LHFPL4: variants seen among roughly 807,000 people sequenced by gnomAD.
LHFPL4 encodes the protein LHFPL tetraspan subfamily member 4.
Under a neutral mutation model 20.0 loss-of-function variants are expected in LHFPL4, and 6 were observed. The ratio of observed to expected loss-of-function variants is 0.30; its 90% CI spans 0.16 to 0.59. The LOEUF (loss-of-function observed/expected upper bound fraction) is 0.59. Among genes scored for constraint, LHFPL4 ranks in the 20% least tolerant of loss-of-function variants. LHFPL4 has a pLI of 0.88. For missense variants in LHFPL4, 215 were observed against 331.2 expected (o/e 0.65, Z 2.72); for synonymous variants, 129 against 143.8 (o/e 0.90, Z 0.74).
At chr3:9,549,448 C>G (rs970781898) in intron 2 of LHFPL4, among the ~76,000 whole-genome samples, 4 of 152,218 alleles carry the variant, frequency 2.6e-5, no homozygotes, top group African/African-American at 9.6e-5. Context: ...GTAATCCCAG[C>G]ATTTTGGGAG....
At chr3:9,509,405 C>T (rs2046242785) in intron 2 of LHFPL4, among the ~76,000 whole-genome samples, 1 of 152,144 alleles carries the variant, frequency 6.6e-6, no homozygotes, top group Non-Finnish European at 1.5e-5. Flanking sequence ...CTATCCCCTC[C>T]CCTTATCCTC....
rs781322369 is a variant in LHFPL4 at position 9,506,903 on chromosome 3, T to C, written c.407-700A>G. 2.0e-5 allele frequency among the ~76,000 whole-genome samples: 3 copies of C among 152,220 alleles called. No individual in the cohort carries two copies. Among genetic ancestry groups the C allele is most frequent in the Non-Finnish European group, 4.4e-5 (3 of 68,040 alleles). On this transcript the variant is annotated intron_variant, in intron 2 of 3. Transcript: ENST00000287585. The surrounding 1 kb of genome is among the most constrained non-coding windows in gnomAD (Gnocchi z 4.5). Reference sequence around the variant, plus strand: ...CCCTCATTGTTATTTTTTAAATTCTTGTCCTTCACCCATCAAATGTTTATT... The same window carrying C: ...CCCTCATTGTTATTTTTTAAATTCTCGTCCTTCACCCATCAAATGTTTATT...
intron 3 of LHFPL4, among the ~76,000 whole-genome samples, chr3:9,502,615 A>C (rs1422709151): frequency 6.6e-6 from 1 of 152,004 alleles, no homozygotes; most frequent in Non-Finnish European, 1.5e-5. Context: ...AGGCAGGAGA[A>C]TCGCTTGAAC....
intron 2 of LHFPL4, among the ~76,000 whole-genome samples, chr3:9,507,995 G>A (rs770348294): frequency 6.6e-6 from 1 of 152,186 alleles, no homozygotes; most frequent in East Asian, 1.9e-4. Context: ...GTTTGGAACC[G>A]TGGGGACCTT....
At position 9,499,075 on chromosome 3, in the gene LHFPL4, G is replaced by C. The variant is rs2046151818; in HGVS notation, c.*3136C>G. 6.5e-6 allele frequency: 1 copy of C among 153,632 alleles called. No homozygotes were observed. The highest frequency in any genetic ancestry group is 1.4e-5 in the Non-Finnish European group (1 of 69,316). 9.5% of individuals were successfully genotyped at this position (153,632 alleles called of 1,614,324 possible). A position where few individuals can be genotyped will look rare whatever the true frequency, so the allele number is the denominator to read the frequency against. On this transcript the variant is annotated 3_prime_UTR_variant, in exon 4 of 4. Transcript: ENST00000287585. The stretch of plus-strand genomic sequence containing the variant: ...TGGCAGACCCCTGATCACAGTTAGG[G>C]GGGTCACAGTTAGGGGGGGACTTCT...
At position 9,506,270 on chromosome 3, in the gene LHFPL4, G is replaced by C; in HGVS notation, c.407-67C>G. On this transcript the variant is annotated intron_variant, in intron 2 of 3. Coordinates refer to ENST00000287585, the MANE Select transcript of LHFPL4 (RefSeq NM_198560.3). This position sits in a 1 kb window ranked among gnomAD's most constrained non-coding sequence, Gnocchi z 4.5. ...GAAGAGAAAAGACCATTACTCGCTA[G>C]TGTCCGCAGTCTGGGCCCCACCCTA... 1 of 1,291,086 alleles carries C rather than the reference G, an allele frequency of 7.7e-7. No homozygotes were observed. The highest frequency in any genetic ancestry group is 2.3e-5 in the East Asian group (1 of 43,188). The allele number at this position is 1,291,086 out of a possible 1,614,324, so 80.0% of individuals were successfully genotyped here.
rs115841835 is a variant in LHFPL4 at position 9,503,352 on chromosome 3, C to T, written c.644-1041G>A. Among the ~76,000 whole-genome samples the T allele has an allele frequency of 2.9e-3, 449 of 152,314 alleles. 2 individuals carry two copies. The highest frequency in any genetic ancestry group is 0.01 in the African/African-American group (432 of 41,572). ...TCCCCACACCCCTTCTTGAGAAAGG[C>T]CAGATCTCAGTCTGTCTTGCACTTC... On this transcript the variant is annotated intron_variant, in intron 3 of 3. Transcript: ENST00000287585.
intron 2 of LHFPL4, among the ~76,000 whole-genome samples, chr3:9,537,279 C>G (rs2046449729): frequency 6.6e-6 from 1 of 152,154 alleles, no homozygotes; most frequent in Non-Finnish European, 1.5e-5. Context: ...AATTCATCCT[C>G]TCTTCCTGGG....
At chr3:9,519,626 A>G (rs2046325806) in intron 2 of LHFPL4, among the ~76,000 whole-genome samples, 1 of 151,974 alleles carries the variant, frequency 6.6e-6, no homozygotes, top group African/African-American at 2.4e-5. Flanking sequence ...TGGCATGATC[A>G]TGGCTTACTG....
intron 2 of LHFPL4, among the ~76,000 whole-genome samples, chr3:9,517,200 C>G (rs1285556426): frequency 1.3e-5 from 2 of 152,062 alleles, no homozygotes; most frequent in African/African-American, 4.8e-5. Flanking sequence ...GGTCTTTTGC[C>G]TCTCCATATA....
intron 2 of LHFPL4, among the ~76,000 whole-genome samples, chr3:9,521,625 G>A (rs571118956): frequency 1.2e-4 from 18 of 151,110 alleles, no homozygotes; most frequent in Non-Finnish European, 1.8e-4. Context: ...GGATGATCTC[G>A]ATCTCCTGAC....
Position 9,502,266 on chromosome 3 carries a change from T to A in LHFPL4, c.689A>T (p.Asp230Val). The A allele has an allele frequency of 6.2e-7, 1 of 1,613,330 alleles. No homozygotes were observed. The highest frequency in any genetic ancestry group is 8.5e-7 in the Non-Finnish European group (1 of 1,179,812). ...TVSSVLRPGGDVSGWGVLPCP... is the reference protein window; with the variant it reads ...TVSSVLRPGGVVSGWGVLPCP... Reference sequence around the variant, plus strand: ...GGGAAGGACTCCCCATCCAGAGACATCACCCCCGGGCCGCAACACGGAGCT... The same window carrying A: ...GGGAAGGACTCCCCATCCAGAGACAACACCCCCGGGCCGCAACACGGAGCT... Residue 230 changes from aspartate to valine, a missense_variant, in exon 4 of 4, where the codon GAT becomes GTT. Transcript: ENST00000287585.
chr3:9,512,179 C>G (rs566952277), intron 2 of LHFPL4, among the ~76,000 whole-genome samples: 2 of 152,308 alleles, frequency 1.3e-5, no homozygotes, highest in African/African-American at 2.4e-5. Context: ...GATCCACCCG[C>G]CTTGGCCTCC....
At chr3:9,516,011 G>A (rs923807369) in intron 2 of LHFPL4, among the ~76,000 whole-genome samples, 3 of 152,162 alleles carry the variant, frequency 2.0e-5, no homozygotes, top group South Asian at 2.1e-4. Flanking sequence ...CATGGCACCC[G>A]GCCCAGATAT....
At position 9,532,848 on chromosome 3, in the gene LHFPL4, C is replaced by A. The variant is rs531030032; in HGVS notation, c.406+19426G>T. 1.7e-4 allele frequency among the ~76,000 whole-genome samples: 26 copies of A among 152,284 alleles called. 1 individual carries two copies. The South Asian group carries it at 5.4e-3, about 32-fold the overall frequency. ...TCTCCCTTGATGTGGCCTCTCTGATCTGCCACCTACCACTTTTTCACCTGG... is the reference window on the plus strand; with the variant it reads ...TCTCCCTTGATGTGGCCTCTCTGATATGCCACCTACCACTTTTTCACCTGG... On this transcript the variant is annotated intron_variant, in intron 2 of 3. Transcript: ENST00000287585.
Position 9,547,391 on chromosome 3 carries a change from C to T in LHFPL4, c.406+4883G>A, listed in dbSNP as rs548843040. 6.1e-4 allele frequency among the ~76,000 whole-genome samples: 93 copies of T among 152,280 alleles called. 2 individuals carry two copies. The South Asian group carries it at 0.017, about 29-fold the overall frequency. On this transcript the variant is annotated intron_variant, in intron 2 of 3. Coordinates refer to ENST00000287585, the MANE Select transcript of LHFPL4 (RefSeq NM_198560.3). ...CTCAAACCCAGTTGGGAGTGTCCCCCGGCTAACTACACCGGGCCCACAGGT... is the reference window on the plus strand; with the variant it reads ...CTCAAACCCAGTTGGGAGTGTCCCCTGGCTAACTACACCGGGCCCACAGGT...
intron 2 of LHFPL4, among the ~76,000 whole-genome samples, chr3:9,550,009 G>C (rs950112370): frequency 6.6e-6 from 1 of 152,086 alleles, no homozygotes; most frequent in Non-Finnish European, 1.5e-5. Context: ...TGGGATTATA[G>C]GCATGAGCCA....
chr3:9,553,411 T>G, intron 1 of LHFPL4, among the ~76,000 whole-genome samples: 1 of 148,764 alleles, frequency 6.7e-6, no homozygotes, highest in African/African-American at 2.5e-5. Flanking sequence ...AAGGGGGGGC[T>G]GTCCTCAGAA....
chr3:9,550,630 G>A (rs1441138105), intron 2 of LHFPL4: 1 of 152,138 alleles, frequency 6.6e-6, no homozygotes, highest in African/African-American at 2.4e-5. Context: ...CCAAATTAAG[G>A]TTGATGAGTT....
Sources: allele counts gnomAD v4.1 joint callset (sites outside exome capture counted in the v4.1 genomes callset), GRCh38; gene constraint gnomAD v4.1.1; non-coding constraint Gnocchi (gnomAD v3.1); transcripts MANE v1.5; gene names NCBI Gene and HGNC (gene_info 2026-07-23, HGNC 2026-07-21).